Variants in TEX9 observed in about 807,000 individuals in gnomAD.
TEX9 encodes testis-expressed protein 9.
In TEX9, 74 loss-of-function variants were observed where a neutral mutation model predicts 59.6. The ratio of observed to expected loss-of-function variants is 1.24; its 90% confidence interval spans 1.03 to 1.51. The LOEUF is 1.51. TEX9 is among the 40% of genes most tolerant of loss of function. The probability of loss-of-function intolerance (pLI) is 0.00; values close to 1 mark genes in which losing one functional copy is unlikely to be tolerated. For missense variants in TEX9, 522 were observed against 447.8 expected (o/e 1.17, Z -1.49); for synonymous variants, 186 against 152.2 (o/e 1.22, Z -1.64).
intron 1 of TEX9, among the ~76,000 whole-genome samples, chr15:56,338,177 T>C (rs552331989): frequency 6.6e-6 from 1 of 152,200 alleles, no homozygotes; most frequent in Non-Finnish European, 1.5e-5. Context: ...CTCTGCAAAC[T>C]AGAGCCTCTA....
chr15:56,416,685 G>T (rs1461211849), intron 10 of TEX9, among the ~76,000 whole-genome samples: 2 of 151,268 alleles, frequency 1.3e-5, no homozygotes, highest in African/African-American at 4.9e-5. Context: ...TTGGTTGTCT[G>T]TCTGCCAGGT....
chr15:56,344,275 A>G (rs1466497925), intron 1 of TEX9, among the ~76,000 whole-genome samples: 1 of 152,226 alleles, frequency 6.6e-6, no homozygotes, highest in African/African-American at 2.4e-5. Flanking sequence ...CCAAATTTCC[A>G]TCAACTGATG....
chr15:56,333,415 C>A (rs544810671), intron 1 of TEX9, among the ~76,000 whole-genome samples: 4 of 150,020 alleles, frequency 2.7e-5, no homozygotes, highest in African/African-American at 7.3e-5. Context: ...GGAAAAAAAA[C>A]CATATGATAA....
chr15:56,352,631 A>C (rs1205029682), intron 1 of TEX9, among the ~76,000 whole-genome samples: 1 of 152,166 alleles, frequency 6.6e-6, no homozygotes, highest in African/African-American at 2.4e-5. Flanking sequence ...TCTTTTGACA[A>C]TGCAGTGGCT....
chr15:56,315,796 T>G (rs1375995051), intron 1 of TEX9, among the ~76,000 whole-genome samples: 1 of 146,468 alleles, frequency 6.8e-6, no homozygotes, highest in Non-Finnish European at 1.5e-5. Flanking sequence ...ACCAATCAGA[T>G]GTAGATTTGG....
chr15:56,432,782 A>G (rs1480055035), intron 12 of TEX9, among the ~76,000 whole-genome samples: 2 of 152,198 alleles, frequency 1.3e-5, no homozygotes, highest in Admixed American at 6.5e-5. Context: ...AATCTGAAAT[A>G]TAACAGCACT....
rs541138278 is a variant in TEX9 at position 56,381,977 on chromosome 15, A to T, written c.184-1975A>T. ...TCCCCCAGGCCCTGGGTGGGTCCAG[A>T]GATGCTGTCTGGTAGTCAGAGATTG... On this transcript the variant is annotated intron_variant, in intron 3 of 12. Transcript: ENST00000352903. Among the ~76,000 whole-genome samples the T allele has an allele frequency of 2.6e-5, 4 of 152,300 alleles. No homozygotes were observed. The East Asian group carries it at 7.7e-4, about 29-fold the overall frequency.
intron 1 of TEX9, among the ~76,000 whole-genome samples, chr15:56,260,016 A>G (rs908476390): frequency 8.5e-5 from 13 of 152,088 alleles, no homozygotes; most frequent in African/African-American, 3.1e-4. Context: ...GATATTGTTA[A>G]TAGTATTGTT....
the TEX9 span, among the ~76,000 whole-genome samples, chr15:56,451,321 T>TG: frequency 6.6e-6 from 1 of 152,228 alleles, no homozygotes; most frequent in African/African-American, 2.4e-5. Flanking sequence ...AAGGGCTACC[T>TG]GCCTCTGAGC....
intron 1 of TEX9, among the ~76,000 whole-genome samples, chr15:56,339,951 A>T (rs1176320159): frequency 1.3e-5 from 2 of 151,972 alleles, no homozygotes; most frequent in African/African-American, 4.8e-5. Flanking sequence ...TTTATAAGAC[A>T]CTCAGTCTGT....
chr15:56,273,942 A>G (rs2141415363), intron 1 of TEX9, among the ~76,000 whole-genome samples: 1 of 152,274 alleles, frequency 6.6e-6, no homozygotes, highest in South Asian at 2.1e-4. Context: ...TATCCTGCTT[A>G]TGGTTCTCTG....
intron 12 of TEX9, among the ~76,000 whole-genome samples, chr15:56,439,293 T>C (rs1243234702): frequency 1.3e-5 from 2 of 152,092 alleles, no homozygotes; most frequent in East Asian, 3.8e-4. Flanking sequence ...GAGAGCCAAA[T>C]TGTGTTCATG....
rs190776596 is a variant in TEX9 at position 56,395,154 on chromosome 15, A to G, written c.828+320A>G. ...GCTCCCCTCAATCCCTTACAGCCCT[A>G]GGCAACCACTATTCTATTTTATGTC... On this transcript the variant is annotated intron_variant, in intron 9 of 12. Transcript: ENST00000352903. The G allele has an allele frequency of 3.3e-5, 11 of 330,336 alleles. No homozygotes were observed. In the Admixed American group the frequency reaches 4.7e-4, roughly 14 times the overall value. The allele number at this position is 330,336 out of a possible 1,614,324, so 20.5% of individuals were successfully genotyped here.
intron 12 of TEX9, chr15:56,444,568 A>G: frequency 6.2e-7 from 1 of 1,612,986 alleles, no homozygotes; most frequent in Non-Finnish European, 8.5e-7. Flanking sequence ...AAGTCAAGAT[A>G]GTACTGTGCT....
chr15:56,339,111 G>A (rs1385273230), intron 1 of TEX9, among the ~76,000 whole-genome samples: 2 of 151,620 alleles, frequency 1.3e-5, no homozygotes, highest in African/African-American at 2.4e-5. Flanking sequence ...GGCCTGGTGT[G>A]GTGGCTCACG....
intron 12 of TEX9, among the ~76,000 whole-genome samples, chr15:56,440,010 C>T (rs1567149842): frequency 6.6e-6 from 1 of 151,992 alleles, no homozygotes; most frequent in Non-Finnish European, 1.5e-5. Context: ...GCTAACCACC[C>T]ACCTGACAAA....
intron 1 of TEX9, among the ~76,000 whole-genome samples, chr15:56,341,314 C>G (rs1337719082): frequency 2.0e-5 from 3 of 152,182 alleles, no homozygotes; most frequent in African/African-American, 7.2e-5. Flanking sequence ...CGATATTACA[C>G]AGGCCAGTGC....
intron 9 of TEX9, among the ~76,000 whole-genome samples, chr15:56,401,943 G>T (rs2048808449): frequency 6.6e-6 from 1 of 152,148 alleles, no homozygotes; most frequent in Non-Finnish European, 1.5e-5. Flanking sequence ...TGAGAACAAA[G>T]ACACAACATA....
rs1567067733 is a variant in TEX9 at position 56,268,540 on chromosome 15, G to A, written c.-107+24262G>A. Among the ~76,000 whole-genome samples the A allele has an allele frequency of 7.2e-5, 11 of 152,200 alleles. No individual in the cohort carries two copies. The South Asian group carries it at 2.3e-3, about 31-fold the overall frequency. ...TTGAGCGTTTTTAGCATGAAGAGCT[G>A]TTAAATTCTGTTGAAGGCCTTTTCT... On this transcript the variant is annotated intron_variant, in intron 1 of 5. Coordinates refer to the TEX9 transcript ENST00000560827.
Sources: allele counts gnomAD v4.1 joint callset (sites outside exome capture counted in the v4.1 genomes callset), GRCh38; gene constraint gnomAD v4.1.1; transcripts MANE v1.5; gene names NCBI Gene and HGNC (gene_info 2026-07-23, HGNC 2026-07-21).